Variants in DTNBP1 observed in about 807,000 individuals in gnomAD.
DTNBP1 encodes dystrobrevin binding protein 1.
DTNBP1 carries 35 observed loss-of-function variants against 42.8 expected under a neutral mutation model. The ratio of observed to expected loss-of-function variants is 0.82; its 90% CI spans 0.63 to 1.09. DTNBP1 has a LOEUF of 1.09. Ranked by LOEUF, DTNBP1 falls within the 50% of genes least tolerant of loss-of-function variation. The pLI is 0.00. For missense variants in DTNBP1, 457 were observed against 424.2 expected (o/e 1.08, Z -0.68); for synonymous variants, 171 against 162.2 (o/e 1.05, Z -0.41).
At chr6:15,625,424 T>C (rs1759283626) in intron 5 of DTNBP1, among the ~76,000 whole-genome samples, 1 of 152,250 alleles carries the variant, frequency 6.6e-6, no homozygotes, top group African/African-American at 2.4e-5. Flanking sequence ...TAGTGTTAGA[T>C]GTTCTCAGAT....
rs1759413943 is a variant in DTNBP1 at position 15,627,435 on chromosome 6, T to C, written c.263A>G (p.Glu88Gly). The C allele has an allele frequency of 6.2e-7, 1 of 1,613,848 alleles. No individual in the cohort carries two copies. The change falls in exon 5 of 10, where the codon GAG becomes GGG. Residue 88 changes from glutamate (E) to glycine (G), a missense_variant. Glu to Gly is a moderately conservative substitution (Grantham distance 98). Transcript: ENST00000344537. Reference sequence around the variant, plus strand: ...CTCCACGAGGCTTGTCTTTTTCTTCTCCCAGTGCGCAGAAAGCATGACCAC... The same window carrying C: ...CTCCACGAGGCTTGTCTTTTTCTTCCCCCAGTGCGCAGAAAGCATGACCAC... ...SEVVMLSAHW[E>G]KKKTSLVELQ...
intron 1 of DTNBP1, among the ~76,000 whole-genome samples, chr6:15,659,320 C>G (rs1332435598): frequency 6.6e-6 from 1 of 152,204 alleles, no homozygotes; most frequent in African/African-American, 2.4e-5. Flanking sequence ...ACAGCGGGAG[C>G]TGCACTGGCT....
intron 7 of DTNBP1, among the ~76,000 whole-genome samples, chr6:15,564,467 G>C (rs1191512533): frequency 6.6e-6 from 1 of 151,868 alleles, no homozygotes; most frequent in Non-Finnish European, 1.5e-5. Flanking sequence ...AAGTACAGTG[G>C]CACAATCTCT....
chr6:15,524,323 TGAG>T (rs1252989892), intron 9 of DTNBP1, 200 bp downstream of exon 9: 3 of 1,611,492 alleles, frequency 1.9e-6, no homozygotes, highest in East Asian at 4.5e-5. Context: ...GTCAAATCTT[TGAG>T]AAGAATTCAT....
intron 7 of DTNBP1, among the ~76,000 whole-genome samples, chr6:15,537,931 C>T (rs973050621): frequency 6.6e-6 from 1 of 152,180 alleles, no homozygotes; most frequent in African/African-American, 2.4e-5. Flanking sequence ...AAAATGAAAT[C>T]AGGGTCAGAC....
intron 5 of DTNBP1, among the ~76,000 whole-genome samples, chr6:15,624,526 C>T (rs570036335): frequency 3.9e-5 from 6 of 152,286 alleles, no homozygotes; most frequent in Non-Finnish European, 8.8e-5. Flanking sequence ...AAATTGCTCA[C>T]ATAACATAAA....
chr6:15,633,983 T>A (rs1283068680), intron 4 of DTNBP1, among the ~76,000 whole-genome samples: 1 of 152,134 alleles, frequency 6.6e-6, no homozygotes, highest in Non-Finnish European at 1.5e-5. Context: ...AACTAAAAAA[T>A]TTGTGTGACT....
At chr6:15,592,355 T>C (rs1776334202) in intron 7 of DTNBP1, among the ~76,000 whole-genome samples, 1 of 152,250 alleles carries the variant, frequency 6.6e-6, no homozygotes, top group African/African-American at 2.4e-5. Context: ...TTTCTACTAC[T>C]TAATTGCTCA....
chr6:15,659,924 C>A (rs1164896276), intron 1 of DTNBP1, among the ~76,000 whole-genome samples: 1 of 152,186 alleles, frequency 6.6e-6, no homozygotes, highest in African/African-American at 2.4e-5. Context: ...CTCAGCCTCC[C>A]AAGTAGCTGG....
intron 7 of DTNBP1, among the ~76,000 whole-genome samples, chr6:15,559,886 C>G (rs1774744038): frequency 6.6e-6 from 1 of 152,186 alleles, no homozygotes; most frequent in Non-Finnish European, 1.5e-5. Context: ...ACTCCCACAA[C>G]CAGGAGGATG....
At position 15,533,323 on chromosome 6, in the gene DTNBP1, C is replaced by CGCT. The variant is rs751238048; in HGVS notation, c.581_583dup (p.Glu194_Arg195insGln). 6.2e-7 allele frequency: 1 copy of CGCT among 1,614,196 alleles called. No homozygotes were observed. The highest frequency in any genetic ancestry group is 8.5e-7 in the Non-Finnish European group (1 of 1,180,046). ...GAAGGCTTCCTCAAAAAACTTCTGC[C>CGCT]GCTCCTTCAGCTTCATTTGCTGGGT... On this transcript the variant is annotated inframe_insertion, in exon 8 of 10. Transcript: ENST00000344537.
chr6:15,642,009 G>A (rs1760389469), intron 3 of DTNBP1, among the ~76,000 whole-genome samples: 1 of 152,172 alleles, frequency 6.6e-6, no homozygotes, highest in Admixed American at 6.5e-5. Flanking sequence ...CTCTCTGCCA[G>A]GGGCCAGCAC....
intron 7 of DTNBP1, among the ~76,000 whole-genome samples, chr6:15,561,743 T>C (rs1774853843): frequency 6.6e-6 from 1 of 152,174 alleles, no homozygotes; most frequent in East Asian, 1.9e-4. Context: ...GGTTAGGCAT[T>C]CTTAGTCATA....
At position 15,557,919 on chromosome 6, in the gene DTNBP1, G is replaced by A. The variant is rs374775804; in HGVS notation, c.512-24524C>T. ...TTCTTAATTAATCTTTTAGATATCAGTCCCCTAAAGTAAAAAATGATATAT... is the reference window on the plus strand; with the variant it reads ...TTCTTAATTAATCTTTTAGATATCAATCCCCTAAAGTAAAAAATGATATAT... On this transcript the variant is annotated intron_variant, in intron 7 of 9. Coordinates refer to ENST00000344537, the MANE Select transcript of DTNBP1 (RefSeq NM_032122.5). 2.6e-5 allele frequency among the ~76,000 whole-genome samples: 4 copies of A among 151,954 alleles called. No individual in the cohort carries two copies. The South Asian group carries it at 8.3e-4, about 32-fold the overall frequency.
At chr6:15,661,230 C>T (rs9476886) in intron 1 of DTNBP1, among the ~76,000 whole-genome samples, 50,118 of 152,098 alleles carry the variant, frequency 0.33, 8,655 homozygotes, top group Middle Eastern at 0.45. Flanking sequence ...GACTAATACC[C>T]ATAATCCCAC....
At chr6:15,637,856 A>G in intron 3 of DTNBP1, 52 bp from the exon 4 acceptor site, 2 of 1,536,662 alleles carry the variant, frequency 1.3e-6, no homozygotes, top group Admixed American at 1.7e-5. Context: ...TTAAAAGGAA[A>G]TACTATCTAA....
intron 6 of DTNBP1, among the ~76,000 whole-genome samples, chr6:15,597,123 T>C (rs1355108760): frequency 6.6e-6 from 1 of 152,226 alleles, no homozygotes; most frequent in Non-Finnish European, 1.5e-5. Context: ...GGAATAATGC[T>C]AGGTTTGGAA....
At chr6:15,566,675 G>A (rs1033824592) in intron 7 of DTNBP1, among the ~76,000 whole-genome samples, 4 of 150,110 alleles carry the variant, frequency 2.7e-5, no homozygotes, top group Admixed American at 6.6e-5. Context: ...TTTTGTGGGG[G>A]AAAATCTGCA....
At chr6:15,574,609 T>C (rs1279463505) in intron 7 of DTNBP1, among the ~76,000 whole-genome samples, 1 of 152,228 alleles carries the variant, frequency 6.6e-6, no homozygotes, top group Non-Finnish European at 1.5e-5. Context: ...CTCTCCAGTG[T>C]GCACAGAAAT....
Sources: allele counts gnomAD v4.1 joint callset (sites outside exome capture counted in the v4.1 genomes callset), GRCh38; gene constraint gnomAD v4.1.1; transcripts MANE v1.5; gene names NCBI Gene and HGNC (gene_info 2026-07-23, HGNC 2026-07-21).